CCBE1: variants seen among roughly 807,000 people sequenced by gnomAD.
CCBE1 encodes collagen and calcium-binding EGF domain-containing protein 1.
CCBE1 carries 37 observed loss-of-function variants against 50.0 expected under a neutral mutation model. The observed-to-expected ratio is 0.74, with a 90% CI of 0.57 to 0.97. The LOEUF (loss-of-function observed/expected upper bound fraction) is 0.97. CCBE1 is among the 50% of genes least tolerant of loss of function. CCBE1 has a pLI of 0.00. For synonymous variants in CCBE1, 234 were observed against 203.7 expected, an observed-to-expected ratio of 1.15 and a Z score of -1.27; for missense variants, 538 against 523.8, an observed-to-expected ratio of 1.03 and a Z score of -0.26.
chr18:59,559,125 C>T (rs567051732), intron 2 of CCBE1, among the ~76,000 whole-genome samples: 4 of 152,300 alleles, frequency 2.6e-5, no homozygotes, highest in Admixed American at 2.0e-4. Context: ...GGCAGTGGTG[C>T]TGCTTGGATG....
At chr18:59,565,577 T>C (rs1236125795) in intron 2 of CCBE1, among the ~76,000 whole-genome samples, 1 of 152,142 alleles carries the variant, frequency 6.6e-6, no homozygotes, top group African/African-American at 2.4e-5. Flanking sequence ...ACCAGCTTTG[T>C]AATTTGCCTG....
chr18:59,682,213 T>C (rs1231183986), intron 2 of CCBE1, among the ~76,000 whole-genome samples: 1 of 152,092 alleles, frequency 6.6e-6, no homozygotes, highest in Non-Finnish European at 1.5e-5. Flanking sequence ...AATACAAATA[T>C]TAGCTGAGAG....
chr18:59,528,812 G>C lies in CCBE1; in HGVS notation c.213-48574C>G, dbSNP rs148688326. 5.9e-5 allele frequency among the ~76,000 whole-genome samples: 9 copies of C among 152,328 alleles called. No individual in the cohort carries two copies. In the East Asian group the frequency reaches 1.7e-3, roughly 29 times the overall value. On this transcript the variant is annotated intron_variant, in intron 2 of 10. Coordinates refer to ENST00000439986, the MANE Select transcript of CCBE1 (RefSeq NM_133459.4). The stretch of plus-strand genomic sequence containing the variant: ...CATCACCAATGCAGGCTGCAGAACA[G>C]CAAAGATGGCTGCTTGCTCCTTCCT...
chr18:59,634,864 C>G (rs1029835121), intron 2 of CCBE1, among the ~76,000 whole-genome samples: 3 of 152,058 alleles, frequency 2.0e-5, no homozygotes, highest in Non-Finnish European at 4.4e-5. Flanking sequence ...GAGGAAACAT[C>G]TCAGTACACA....
chr18:59,543,281 G>A (rs1445594080), intron 2 of CCBE1, among the ~76,000 whole-genome samples: 1 of 152,170 alleles, frequency 6.6e-6, no homozygotes, highest in Non-Finnish European at 1.5e-5. Flanking sequence ...AACGAATCTA[G>A]AATTCTGTGC....
At chr18:59,656,516 C>T (rs748732519) in intron 2 of CCBE1, among the ~76,000 whole-genome samples, 1 of 152,116 alleles carries the variant, frequency 6.6e-6, no homozygotes, top group Non-Finnish European at 1.5e-5. Flanking sequence ...TCCGCGGAGC[C>T]AATGCTTTAA....
At position 59,434,718 on chromosome 18, in the gene CCBE1, G is replaced by A. The variant is rs550948127; in HGVS notation, c.*1190C>T. The A allele has an allele frequency of 2.6e-5, 4 of 152,210 alleles. No individual in the cohort carries two copies. In the East Asian group the frequency reaches 7.7e-4, roughly 29 times the overall value. 9.4% of individuals were successfully genotyped at this position (152,210 alleles called of 1,614,324 possible). A position where few individuals can be genotyped will look rare whatever the true frequency, so the allele number is the denominator to read the frequency against. ...ATTAAGAAAAAATGAGAATAGGAAG[G>A]AAGTTTTTGCAAACAAGGAAAACCA... On this transcript the variant is annotated 3_prime_UTR_variant, in exon 11 of 11. Transcript: ENST00000439986.
chr18:59,519,573 C>T (rs56012885), intron 2 of CCBE1, among the ~76,000 whole-genome samples: 34,326 of 152,106 alleles, frequency 0.23, 5,119 homozygotes, highest in Non-Finnish European at 0.33. Context: ...GGATCTCTAT[C>T]CTTTGTCAGA....
chr18:59,524,912 CA>C (rs1189769008), intron 2 of CCBE1, among the ~76,000 whole-genome samples: 1 of 152,178 alleles, frequency 6.6e-6, no homozygotes, highest in Non-Finnish European at 1.5e-5. Context: ...CATGTCCCTG[CA>C]AACTACATGA....
Position 59,448,178 on chromosome 18 carries a change from A to G in CCBE1, c.655-75T>C, listed in dbSNP as rs1215414661. ...CCTCGGCATTTGTCTTGGTGGGAGA[A>G]GCTGCAAAGCCTTTTCATGAGACAT... On this transcript the variant is annotated intron_variant, in intron 6 of 10. Transcript: ENST00000439986. 1.2e-5 allele frequency: 19 copies of G among 1,597,960 alleles called. No homozygotes were observed. In the African/African-American group the frequency reaches 2.3e-4, roughly 19 times the overall value.
chr18:59,539,196 C>CA (rs763047358), intron 2 of CCBE1, among the ~76,000 whole-genome samples: 161 of 148,028 alleles, frequency 1.1e-3, no homozygotes, highest in South Asian at 2.0e-3. Context: ...CACACACACA[C>CA]ACACAAAAAA....
chr18:59,655,545 T>C (rs751056159), intron 2 of CCBE1, among the ~76,000 whole-genome samples: 3 of 152,214 alleles, frequency 2.0e-5, no homozygotes, highest in Non-Finnish European at 4.4e-5. Context: ...TTACAGGCAA[T>C]GAAGTCTCTG....
intron 2 of CCBE1, among the ~76,000 whole-genome samples, chr18:59,498,459 C>G (rs918720421): frequency 2.6e-5 from 4 of 152,118 alleles, no homozygotes; most frequent in African/African-American, 7.2e-5. Flanking sequence ...TAGATTCAGT[C>G]CATACCATAT....
At chr18:59,665,686 C>T (rs1211409915) in intron 2 of CCBE1, among the ~76,000 whole-genome samples, 1 of 152,164 alleles carries the variant, frequency 6.6e-6, no homozygotes, top group African/African-American at 2.4e-5. Context: ...CTGCACTCAA[C>T]AGCAGCACTG....
chr18:59,599,389 A>T (rs1229049991), intron 2 of CCBE1, among the ~76,000 whole-genome samples: 4 of 152,232 alleles, frequency 2.6e-5, no homozygotes, highest in African/African-American at 9.6e-5. Context: ...TCCATCAGGC[A>T]TCTAGAATTA....
At chr18:59,697,561 C>T, upstream of CCBE1, 2 of 608,662 alleles carry the variant, frequency 3.3e-6, no homozygotes, top group Non-Finnish European at 5.6e-6. Flanking sequence ...AGCAGAGAAG[C>T]AGGTAAAGGG....
At chr18:59,498,711 GCTTT>G (rs984290181) in intron 2 of CCBE1, among the ~76,000 whole-genome samples, 7 of 152,196 alleles carry the variant, frequency 4.6e-5, no homozygotes, top group Non-Finnish European at 1.0e-4. Flanking sequence ...GTGCCTTGTT[GCTTT>G]CTGTCTGGCT....
chr18:59,678,842 A>T (rs2054545689), intron 2 of CCBE1, among the ~76,000 whole-genome samples: 1 of 152,180 alleles, frequency 6.6e-6, no homozygotes, highest in African/African-American at 2.4e-5. Context: ...CCACATTTTT[A>T]TATTAGAGAA....
At chr18:59,560,747 C>T (rs867309447) in intron 2 of CCBE1, among the ~76,000 whole-genome samples, 245 of 152,260 alleles carry the variant, frequency 1.6e-3, no homozygotes, top group South Asian at 2.1e-3. Flanking sequence ...TGTGGCAGGG[C>T]GGGTTACAGT....
Sources: gnomAD v4.1 joint callset for allele counts (sites outside exome capture counted in the v4.1 genomes callset) on GRCh38, gnomAD v4.1.1 for gene constraint, MANE v1.5 for transcripts, NCBI Gene and HGNC (gene_info 2026-07-23, HGNC 2026-07-21) for gene names.